NDST4: variants seen among roughly 807,000 people sequenced by gnomAD.
The protein encoded by NDST4 is N-heparan sulfate sulfotransferase 4.
In NDST4, 63 loss-of-function variants were observed where a neutral mutation model predicts 100.8. The ratio of observed to expected loss-of-function variants is 0.62; its 90% CI spans 0.51 to 0.77. NDST4 has a LOEUF of 0.77. NDST4 is among the 30% of genes least tolerant of loss of function. The probability of loss-of-function intolerance (pLI) is 0.00; values close to 1 mark genes in which losing one functional copy is unlikely to be tolerated. For synonymous variants in NDST4, 377 were observed against 361.8 expected (o/e 1.04, Z -0.48); for missense variants, 943 against 1,018.4 (o/e 0.93, Z 1.01).
chr4:115,023,745 C>T (rs1727915007), intron 2 of NDST4, among the ~76,000 whole-genome samples: 1 of 152,188 alleles, frequency 6.6e-6, no homozygotes. Flanking sequence ...TAAAGAGATT[C>T]GTATGGACAA....
chr4:114,999,382 A>G (rs781381588), intron 2 of NDST4, among the ~76,000 whole-genome samples: 28 of 152,076 alleles, frequency 1.8e-4, no homozygotes, highest in Admixed American at 5.9e-4. Flanking sequence ...AATGAAACTA[A>G]TACTCATATC....
chr4:114,837,700 C>A (rs60231626), intron 11 of NDST4, among the ~76,000 whole-genome samples: 16,564 of 152,184 alleles, frequency 0.11, 947 homozygotes, highest in Middle Eastern at 0.15. Context: ...AGATTTAAGT[C>A]TAAGACCTAA....
chr4:114,937,129 C>T (rs974805979), intron 5 of NDST4, among the ~76,000 whole-genome samples, 189 bp downstream of exon 5: 10 of 152,194 alleles, frequency 6.6e-5, no homozygotes, highest in Non-Finnish European at 1.5e-5. Context: ...AGCCACTCCA[C>T]AGCTTAGGAG....
At chr4:115,024,404 G>A (rs764836391) in intron 2 of NDST4, among the ~76,000 whole-genome samples, 2 of 152,084 alleles carry the variant, frequency 1.3e-5, no homozygotes, top group Admixed American at 6.5e-5. Flanking sequence ...TGCAGGATGC[G>A]GAGTCAAACG....
intron 2 of NDST4, among the ~76,000 whole-genome samples, chr4:115,051,285 A>AT (rs913397703): frequency 6.6e-6 from 1 of 151,810 alleles, no homozygotes; most frequent in South Asian, 2.1e-4. Context: ...TAAATTTTAC[A>AT]TTTTTTTATT....
chr4:115,048,931 G>A (rs565737190), intron 2 of NDST4, among the ~76,000 whole-genome samples: 6 of 151,992 alleles, frequency 3.9e-5, no homozygotes, highest in Non-Finnish European at 5.9e-5. Context: ...GAGCCACTGC[G>A]CCCGGCCCAC....
chr4:115,087,430 A>T (rs1264181672), intron 1 of NDST4, among the ~76,000 whole-genome samples: 4 of 151,860 alleles, frequency 2.6e-5, no homozygotes, highest in Non-Finnish European at 5.9e-5. Flanking sequence ...CAGCAAAAAC[A>T]TCTAAATTAT....
At chr4:114,905,041 A>G (rs1159886353) in intron 6 of NDST4, among the ~76,000 whole-genome samples, 1 of 151,886 alleles carries the variant, frequency 6.6e-6, no homozygotes, top group Non-Finnish European at 1.5e-5. Context: ...AGATGAGCAA[A>G]CAAACAAACA....
At chr4:115,040,314 C>T (rs1009715533) in intron 2 of NDST4, among the ~76,000 whole-genome samples, 27 of 147,766 alleles carry the variant, frequency 1.8e-4, no homozygotes, top group Non-Finnish European at 2.8e-4. Flanking sequence ...GCCTTATAAG[C>T]AAAGCAATTC....
chr4:115,097,834 C>G (rs1006134253), intron 1 of NDST4, among the ~76,000 whole-genome samples: 1 of 152,192 alleles, frequency 6.6e-6, no homozygotes, highest in Non-Finnish European at 1.5e-5. Flanking sequence ...TACTGGGCCT[C>G]TCTATATTCT....
In NDST4 at chr4:115,088,155, A is replaced by G. The variant is rs552424920; in HGVS notation, c.-246-10873T>C. ...CATGGTCCCTCTCCCTAGCTCCACAATCTTCTACTTTACAAAAAAAACAGA... is the reference window on the plus strand; with the variant it reads ...CATGGTCCCTCTCCCTAGCTCCACAGTCTTCTACTTTACAAAAAAAACAGA... On this transcript the variant is annotated intron_variant, in intron 1 of 13. Coordinates refer to ENST00000264363, the MANE Select transcript of NDST4 (RefSeq NM_022569.3). Among the ~76,000 whole-genome samples, 3 of 151,952 alleles carry G rather than the reference A, an allele frequency of 2.0e-5. No individual in the cohort carries two copies. In the South Asian group the frequency reaches 6.2e-4, roughly 32 times the overall value.
At chr4:114,908,539 A>C (rs957440166) in intron 6 of NDST4, among the ~76,000 whole-genome samples, 1 of 151,904 alleles carries the variant, frequency 6.6e-6, no homozygotes, top group Non-Finnish European at 1.5e-5. Context: ...TGGCCCTTCC[A>C]TTTTTATGTG....
At chr4:115,067,316 A>G (rs1728970375) in intron 2 of NDST4, among the ~76,000 whole-genome samples, 1 of 152,138 alleles carries the variant, frequency 6.6e-6, no homozygotes, top group African/African-American at 2.4e-5. Context: ...AATGATTCAT[A>G]CCTCATTGAG....
At chr4:115,027,267 G>A (rs1440584441) in intron 2 of NDST4, among the ~76,000 whole-genome samples, 1 of 152,112 alleles carries the variant, frequency 6.6e-6, no homozygotes, top group African/African-American at 2.4e-5. Context: ...CCCTTGAACA[G>A]GACTTCATAC....
chr4:115,024,646 C>T (rs2126266893), intron 2 of NDST4, among the ~76,000 whole-genome samples: 1 of 152,240 alleles, frequency 6.6e-6, no homozygotes, highest in Admixed American at 6.5e-5. Flanking sequence ...TCACCCATTT[C>T]TGATTCAGAT....
intron 6 of NDST4, among the ~76,000 whole-genome samples, chr4:114,921,552 T>A (rs920577): frequency 0.034 from 5,239 of 152,294 alleles, 136 homozygotes; most frequent in Middle Eastern, 0.072. Context: ...AACCAAATTA[T>A]TTATATTTTT....
intron 1 of NDST4, among the ~76,000 whole-genome samples, chr4:115,094,705 G>C (rs990379000): frequency 6.6e-6 from 1 of 152,094 alleles, no homozygotes; most frequent in Non-Finnish European, 1.5e-5. Context: ...GCTGTAGTAG[G>C]GTAGGCCCCT....
intron 3 of NDST4, among the ~76,000 whole-genome samples, chr4:114,972,392 CAG>C (rs1364010779): frequency 1.3e-5 from 2 of 151,852 alleles, no homozygotes; most frequent in African/African-American, 2.4e-5. Flanking sequence ...TGCTACTACA[CAG>C]AGTTAAGAAA....
chr4:114,929,008 C>A (rs1725438386), intron 6 of NDST4, among the ~76,000 whole-genome samples: 1 of 151,766 alleles, frequency 6.6e-6, no homozygotes, highest in Admixed American at 6.6e-5. Context: ...CTGCCTCTCT[C>A]TATATCCCTA....
Sources: allele counts gnomAD v4.1 joint callset (sites outside exome capture counted in the v4.1 genomes callset), GRCh38; gene constraint gnomAD v4.1.1; transcripts MANE v1.5; gene names NCBI Gene and HGNC (gene_info 2026-07-23, HGNC 2026-07-21).